FAM53A: variants seen among roughly 807,000 people sequenced by gnomAD.
The protein encoded by FAM53A is family with sequence similarity 53 member A.
In FAM53A, 28 loss-of-function variants were observed where a neutral mutation model predicts 26.6. That is an observed-to-expected ratio of 1.05 (90% confidence interval 0.78 to 1.45). The LOEUF is 1.45. Among genes scored for constraint, FAM53A ranks in the 40% most tolerant of loss-of-function variants. The pLI is 0.00. For synonymous variants in FAM53A, 290 were observed against 253.1 expected (o/e 1.15, Z -1.38); for missense variants, 650 against 575.8 (o/e 1.13, Z -1.32).
At chr4:1,579,515 A>G in the FAM53A span, among the ~76,000 whole-genome samples, 182 of 152,262 alleles carry the variant, frequency 1.2e-3, 2 homozygotes, top group South Asian at 0.021. Flanking sequence ...CAGAAGTGCA[A>G]CGCGCACGGG....
At chr4:1,627,711 C>T (rs1474675240) in intron 1 of FAM53A, among the ~76,000 whole-genome samples, 1 of 152,122 alleles carries the variant, frequency 6.6e-6, no homozygotes, top group African/African-American at 2.4e-5. Flanking sequence ...GGGGAGGAAG[C>T]CCAGGGCCAG....
chr4:1,638,362 C>T (rs1715940241), downstream of FAM53A, among the ~76,000 whole-genome samples: 2 of 152,128 alleles, frequency 1.3e-5, no homozygotes, highest in African/African-American at 4.8e-5. Context: ...TCAGTCTCCC[C>T]ACCCGCAGAG....
downstream of FAM53A, among the ~76,000 whole-genome samples, chr4:1,615,526 C>T (rs113373751): frequency 0.023 from 3,385 of 145,444 alleles, 63 homozygotes; most frequent in Middle Eastern, 0.046. Flanking sequence ...GATGTGGCCA[C>T]GCCCATCCCA....
the FAM53A span, among the ~76,000 whole-genome samples, chr4:1,594,458 C>G: frequency 6.6e-6 from 1 of 152,136 alleles, no homozygotes; most frequent in Admixed American, 6.5e-5. Flanking sequence ...CAAAAGGCAC[C>G]CCCCACGGTG....
At position 1,655,514 on chromosome 4, in the gene FAM53A, G is replaced by C. The variant is rs1328203997; in HGVS notation, c.346C>G (p.Pro116Ala). 4 of 1,568,326 alleles carry C rather than the reference G, an allele frequency of 2.6e-6. No homozygotes were observed. The African/African-American group carries it at 5.5e-5, about 22-fold the overall frequency. The change falls in exon 4 of 5, where the codon CCG becomes GCG. Residue 116 changes from proline to alanine, a missense_variant. By Grantham distance (27) the Pro-to-Ala change is conservative. Transcript: ENST00000308132. ...AAGGACCGGCAATGCCGCTTGGTCGGTGGGGCCGTGGACGAGCCTGTGCTT... is the reference window on the plus strand; with the variant it reads ...AAGGACCGGCAATGCCGCTTGGTCGCTGGGGCCGTGGACGAGCCTGTGCTT... ...SESTGSSTAP[P>A]TKRHCRSLSE...
the FAM53A span, among the ~76,000 whole-genome samples, chr4:1,593,855 A>T: frequency 2.0e-5 from 3 of 152,176 alleles, no homozygotes; most frequent in African/African-American, 7.2e-5. Flanking sequence ...GTTTTTACTG[A>T]TCTTTTTAAG....
chr4:1,644,407 C>A (rs942821021), intron 4 of FAM53A: 2 of 1,514,772 alleles, frequency 1.3e-6, no homozygotes, highest in East Asian at 2.5e-5. Context: ...GGAGAAAAAA[C>A]TTCTGCCCAC....
intron 4 of FAM53A, among the ~76,000 whole-genome samples, chr4:1,653,168 C>T (rs1170439433): frequency 6.6e-6 from 1 of 152,068 alleles, no homozygotes; most frequent in Non-Finnish European, 1.5e-5. Flanking sequence ...CAGCATTTGA[C>T]GGCAGCCCTG....
Position 1,654,972 on chromosome 4 carries a change from C to T in FAM53A, c.882+6G>A, listed in dbSNP as rs1390844866. The T allele has an allele frequency of 5.3e-6, 8 of 1,508,536 alleles. No individual in the cohort carries two copies. Among genetic ancestry groups the T allele is most frequent in the Admixed American group, 4.2e-5 (2 of 47,084 alleles). 93.4% of individuals were successfully genotyped at this position (1,508,536 alleles called of 1,614,324 possible). A position where few individuals can be genotyped will look rare whatever the true frequency, so the allele number is the denominator to read the frequency against. On this transcript the variant is annotated splice_donor_region_variant and intron_variant, in intron 4 of 4. Transcript: ENST00000308132. Reference sequence around the variant, plus strand: ...CTCTGAGCCCCTGGAAATAAGAAAGCCTCACCTGGGTCATTTTCAGGAAGT... The same window carrying T: ...CTCTGAGCCCCTGGAAATAAGAAAGTCTCACCTGGGTCATTTTCAGGAAGT...
chr4:1,649,379 T>G (rs1712548760), intron 4 of FAM53A, among the ~76,000 whole-genome samples: 1 of 152,224 alleles, frequency 6.6e-6, no homozygotes, highest in Non-Finnish European at 1.5e-5. Flanking sequence ...CCAGCATCAA[T>G]GCTAACACCA....
intron 1 of FAM53A, among the ~76,000 whole-genome samples, chr4:1,625,523 AG>A (rs56390128): frequency 5.7e-5 from 4 of 69,586 alleles, no homozygotes; most frequent in African/African-American, 9.5e-5. Context: ...CCACGTGGTC[AG>A]GGGTCACACC....
intron 1 of FAM53A, among the ~76,000 whole-genome samples, chr4:1,625,989 T>A (rs1295562957): frequency 6.6e-6 from 1 of 152,122 alleles, no homozygotes; most frequent in Admixed American, 6.5e-5. Context: ...CTCCACAGGA[T>A]CCTCTGCAGA....
At chr4:1,621,602 G>A (rs1437263798) in intron 1 of FAM53A, among the ~76,000 whole-genome samples, 4 of 152,182 alleles carry the variant, frequency 2.6e-5, no homozygotes, top group Non-Finnish European at 2.9e-5. Flanking sequence ...GATGGTGAGG[G>A]AATCAGGATT....
At chr4:1,657,232 G>C (rs1433959595) in intron 3 of FAM53A, among the ~76,000 whole-genome samples, 176 bp downstream of exon 3, 2 of 152,226 alleles carry the variant, frequency 1.3e-5, no homozygotes, top group African/African-American at 2.4e-5. Flanking sequence ...CTTGACCACG[G>C]GCCCAGCCGT....
At chr4:1,635,836 C>CTTTTTTTTTT (rs141715501), downstream of FAM53A, among the ~76,000 whole-genome samples, 4 of 81,524 alleles carry the variant, frequency 4.9e-5, no homozygotes, top group Admixed American at 1.5e-4. Flanking sequence ...AATACTAATT[C>CTTTTTTTTTT]TTTTTTTTTT....
At chr4:1,636,432 G>A (rs113778803), downstream of FAM53A, among the ~76,000 whole-genome samples, 21 of 152,170 alleles carry the variant, frequency 1.4e-4, no homozygotes, top group African/African-American at 3.6e-4. Flanking sequence ...TGGGTTTTGC[G>A]GCAGTGCATT....
the FAM53A span, among the ~76,000 whole-genome samples, chr4:1,590,963 T>TATATAC: frequency 1.2e-4 from 6 of 48,580 alleles, no homozygotes; most frequent in African/African-American, 6.5e-4. Flanking sequence ...TGCATATATA[T>TATATAC]ATATATATAT....
the FAM53A span, among the ~76,000 whole-genome samples, chr4:1,584,876 T>C: frequency 2.6e-5 from 4 of 152,238 alleles, no homozygotes; most frequent in African/African-American, 9.6e-5. Flanking sequence ...TACATGTAAG[T>C]CACAAGGGCC....
rs1164584206 is a variant in FAM53A, at chr4:1,641,292, C to T, written c.*1G>A. ...ATGGCCCCGACCAGCCCCCACCAGC[C>T]TCAGTTGTTCTCGATCTGCTCCAGG... is the stretch of plus-strand genomic sequence containing the variant. On this transcript the variant is annotated 3_prime_UTR_variant, in exon 5 of 5. Coordinates refer to ENST00000308132, the MANE Select transcript of FAM53A (RefSeq NM_001174070.3). 6 of 1,612,798 alleles carry T rather than the reference C, an allele frequency of 3.7e-6. No homozygotes were observed. The highest frequency in any genetic ancestry group is 5.1e-6 in the Non-Finnish European group (6 of 1,179,876).
Sources: gnomAD v4.1 joint callset for allele counts (sites outside exome capture counted in the v4.1 genomes callset) on GRCh38, gnomAD v4.1.1 for gene constraint, MANE v1.5 for transcripts, NCBI Gene and HGNC (gene_info 2026-07-23, HGNC 2026-07-21) for gene names.